USP3: variants seen among roughly 807,000 people sequenced by gnomAD.
USP3 encodes ubiquitin specific peptidase 3.
USP3 carries 20 observed loss-of-function variants against 72.3 expected under a neutral mutation model. The observed-to-expected ratio is 0.28, with a 90% CI of 0.19 to 0.40. USP3 has a LOEUF of 0.40. Ranked by LOEUF, USP3 falls within the 10% of genes least tolerant of loss-of-function variation. The pLI is 1.00. For synonymous variants in USP3, 222 were observed against 225.3 expected, an observed-to-expected ratio of 0.99 and a Z score of 0.13; for missense variants, 479 against 633.9, an observed-to-expected ratio of 0.76 and a Z score of 2.62.
chr15:63,506,957 T>G (rs974086933), intron 1 of USP3, among the ~76,000 whole-genome samples: 1 of 152,200 alleles, frequency 6.6e-6, no homozygotes, highest in Non-Finnish European at 1.5e-5. Flanking sequence ...TAATCTAGCG[T>G]TATTGTATTA....
intron 14 of USP3, 48 bp from the exon 15 acceptor site, chr15:63,590,613 T>C: frequency 6.8e-7 from 1 of 1,471,634 alleles, no homozygotes; most frequent in Non-Finnish European, 9.0e-7. Context: ...TACAGGTCTT[T>C]TTGTGATTTC....
At chr15:63,518,810 G>T (rs2065882703) in intron 1 of USP3, among the ~76,000 whole-genome samples, 1 of 151,900 alleles carries the variant, frequency 6.6e-6, no homozygotes, top group Non-Finnish European at 1.5e-5. Context: ...CCGTTGCCCA[G>T]GCTGGAGTGC....
intron 3 of USP3, among the ~76,000 whole-genome samples, chr15:63,542,585 TTATTA>T (rs1455968321): frequency 2.0e-5 from 3 of 152,110 alleles, no homozygotes; most frequent in Non-Finnish European, 4.4e-5. Flanking sequence ...AACATATTCA[TTATTA>T]AAGGAAACCT....
intron 3 of USP3, among the ~76,000 whole-genome samples, chr15:63,543,286 T>G (rs895531704): frequency 6.6e-6 from 1 of 152,096 alleles, no homozygotes; most frequent in Non-Finnish European, 1.5e-5. Flanking sequence ...CTCAAACATA[T>G]TGTGAACAAC....
rs75128564 is a variant in USP3 at position 63,584,021 on chromosome 15, G to A, written c.1097-4284G>A. Among the ~76,000 whole-genome samples the A allele has an allele frequency of 9.9e-3, 1,501 of 151,562 alleles. 24 individuals carry two copies. The highest frequency in any genetic ancestry group is 0.035 in the African/African-American group (1,428 of 41,282). On this transcript the variant is annotated intron_variant, in intron 11 of 14. Coordinates refer to ENST00000380324, the MANE Select transcript of USP3 (RefSeq NM_006537.4). Reference sequence around the variant, plus strand: ...TGAATCATAATTCTGTTTAACTTTCGGAAGTACTGCCAAACTTTTCCACAG... The same window carrying A: ...TGAATCATAATTCTGTTTAACTTTCAGAAGTACTGCCAAACTTTTCCACAG...
At chr15:63,515,390 A>C (rs1473811604) in intron 1 of USP3, 1 of 152,262 alleles carries the variant, frequency 6.6e-6, no homozygotes, top group Non-Finnish European at 1.5e-5. Flanking sequence ...TCCATTTAAA[A>C]ATAGAGTAAA....
intron 1 of USP3, among the ~76,000 whole-genome samples, chr15:63,508,882 A>G (rs1167698419): frequency 6.6e-6 from 1 of 152,180 alleles, no homozygotes; most frequent in Non-Finnish European, 1.5e-5. Context: ...AGTTTTCAGT[A>G]CACACTTGCC....
intron 11 of USP3, among the ~76,000 whole-genome samples, chr15:63,576,819 C>A (rs1290182370): frequency 2.6e-5 from 4 of 152,162 alleles, no homozygotes; most frequent in Non-Finnish European, 5.9e-5. Context: ...TCTGGTACCT[C>A]CTCACTGTGT....
At chr15:63,545,726 T>C (rs117722239) in intron 3 of USP3, among the ~76,000 whole-genome samples, 9,901 of 152,022 alleles carry the variant, frequency 0.065, 378 homozygotes, top group Non-Finnish European at 0.082. Flanking sequence ...TCCCAGCACA[T>C]TGGGAGGCTA....
rs138756373 is a variant in USP3 at position 63,508,288 on chromosome 15, T to C, written c.91+3458T>C. Among the ~76,000 whole-genome samples, 461 of 152,230 alleles carry C rather than the reference T, an allele frequency of 3.0e-3. 1 individual carries two copies. Among genetic ancestry groups the C allele is most frequent in the Middle Eastern group, 6.8e-3 (2 of 294 alleles). ...CTCATATCAAAATAACTTTAAAAAA[T>C]TAGAGAAATCCTTAAGGCTACCAAC... On this transcript the variant is annotated intron_variant, in intron 1 of 14. Coordinates refer to ENST00000380324, the MANE Select transcript of USP3 (RefSeq NM_006537.4).
rs1260813588 is a variant in USP3, at chr15:63,544,238, A to G, written c.284+7082A>G. 1 of 150,334 alleles carries G rather than the reference A, an allele frequency of 6.7e-6. No homozygotes were observed. Among genetic ancestry groups the G allele is most frequent in the East Asian group, 1.9e-4 (1 of 5,178 alleles). The allele number at this position is 150,334 out of a possible 1,614,324, so 9.3% of individuals were successfully genotyped here. On this transcript the variant is annotated intron_variant, in intron 3 of 14. Coordinates refer to ENST00000380324, the MANE Select transcript of USP3 (RefSeq NM_006537.4). The surrounding 1 kb of genome is among the most constrained non-coding windows in gnomAD (Gnocchi z 4.2). ...ACATATATATATAGAATATATATAG[A>G]GAGGGTAGTGGATACTCAGTTTTGT...
At position 63,529,159 on chromosome 15, in the gene USP3, C is replaced by A; in HGVS notation, c.92-3488C>A. On this transcript the variant is annotated intron_variant, in intron 1 of 14. Transcript: ENST00000380324. This position sits in a 1 kb window ranked among gnomAD's most constrained non-coding sequence, Gnocchi z 4.2. ...GACTACAGATGCAATCACCACCACA[C>A]TTGGCAGGTAGTAAAGTGGTTTTTT... 1 of 787,872 alleles carries A rather than the reference C, an allele frequency of 1.3e-6. No individual in the cohort carries two copies. Among genetic ancestry groups the A allele is most frequent in the Non-Finnish European group, 1.9e-6 (1 of 534,836 alleles). The allele number at this position is 787,872 out of a possible 1,614,324, so 48.8% of individuals were successfully genotyped here.
At chr15:63,579,767 A>G (rs1225849166) in intron 11 of USP3, among the ~76,000 whole-genome samples, 1 of 152,200 alleles carries the variant, frequency 6.6e-6, no homozygotes, top group East Asian at 1.9e-4. Flanking sequence ...TTGGACATAT[A>G]TGAAAAAGGT....
chr15:63,531,556 C>T (rs1034660267), intron 1 of USP3, among the ~76,000 whole-genome samples: 6 of 152,142 alleles, frequency 3.9e-5, no homozygotes, highest in African/African-American at 1.4e-4. Context: ...GCTTACAGTT[C>T]TCCATTCACC....
intron 1 of USP3, among the ~76,000 whole-genome samples, chr15:63,512,609 T>C (rs1392600679): frequency 6.6e-6 from 1 of 152,030 alleles, no homozygotes; most frequent in Non-Finnish European, 1.5e-5. Flanking sequence ...CATGCCTGGC[T>C]AATTTTTGTG....
chr15:63,558,807 G>A (rs761774405), intron 6 of USP3, among the ~76,000 whole-genome samples: 5 of 152,150 alleles, frequency 3.3e-5, no homozygotes, highest in African/African-American at 4.8e-5. Flanking sequence ...CCCAGGAGGT[G>A]GAAGTTGCAG....
At chr15:63,576,850 A>C (rs1444690638) in intron 11 of USP3, among the ~76,000 whole-genome samples, 1 of 152,196 alleles carries the variant, frequency 6.6e-6, no homozygotes, top group Non-Finnish European at 1.5e-5. Flanking sequence ...CACCCTTATC[A>C]TTAAGGGCAC....
intron 8 of USP3, among the ~76,000 whole-genome samples, chr15:63,568,907 T>A (rs1000194965): frequency 3.9e-5 from 6 of 152,134 alleles, no homozygotes. Context: ...ATAGGAAACA[T>A]AGAAAATAAT....
At chr15:63,556,951 C>A in intron 5 of USP3, 1 of 469,660 alleles carries the variant, frequency 2.1e-6, no homozygotes, top group Non-Finnish European at 3.9e-6. Flanking sequence ...ACCTTCTTCC[C>A]ATCAGCGTTA....
Sources: gnomAD v4.1 joint callset for allele counts (sites outside exome capture counted in the v4.1 genomes callset) on GRCh38, gnomAD v4.1.1 for gene constraint, Gnocchi (gnomAD v3.1) non-coding constraint, MANE v1.5 for transcripts, NCBI Gene and HGNC (gene_info 2026-07-23, HGNC 2026-07-21) for gene names.